CCDC73: variants seen among roughly 807,000 people sequenced by gnomAD.
CCDC73 encodes the protein coiled-coil domain-containing protein 73.
In CCDC73, 95 loss-of-function variants were observed where a neutral mutation model predicts 116.5. That is an observed-to-expected ratio of 0.82 (90% confidence interval 0.69 to 0.97). The LOEUF is 0.97. Ranked by LOEUF, CCDC73 falls within the 50% of genes least tolerant of loss-of-function variation. CCDC73 has a pLI of 0.00. For missense variants in CCDC73, 1,066 were observed against 1,206.8 expected, an observed-to-expected ratio of 0.88 and a Z score of 1.73; for synonymous variants, 398 against 401.3, an observed-to-expected ratio of 0.99 and a Z score of 0.10.
the CCDC73 span, among the ~76,000 whole-genome samples, chr11:32,801,378 C>T: frequency 2.6e-5 from 4 of 152,192 alleles, no homozygotes; most frequent in Admixed American, 2.0e-4. Context: ...CGCAGTGGCT[C>T]ACGCCTGTAA....
At chr11:32,758,340 A>AAGGCTGT in intron 2 of CCDC73, 2 of 505,278 alleles carry the variant, frequency 4.0e-6, no homozygotes. Flanking sequence ...GCTGTCCCAA[A>AAGGCTGT]CCCCTGGTAA....
At chr11:32,640,091 G>A (rs1430522267) in intron 13 of CCDC73, among the ~76,000 whole-genome samples, 1 of 151,918 alleles carries the variant, frequency 6.6e-6, no homozygotes, top group Non-Finnish European at 1.5e-5. Flanking sequence ...CTCAAGAATG[G>A]TGAAAAACTT....
chr11:32,822,591 T>C, the CCDC73 span, among the ~76,000 whole-genome samples: 1 of 152,218 alleles, frequency 6.6e-6, no homozygotes, highest in East Asian at 1.9e-4. Context: ...AGCAATTATG[T>C]TGAACCATAT....
chr11:32,685,564 TGAA>T (rs2133297849), intron 6 of CCDC73, among the ~76,000 whole-genome samples: 1 of 151,954 alleles, frequency 6.6e-6, no homozygotes, highest in African/African-American at 2.4e-5. Flanking sequence ...ATAAGCAAGG[TGAA>T]GAAGAGCAGT....
rs758207053 is a variant in CCDC73, at chr11:32,613,819, A to G, written c.2499T>C (p.Asn833=). 3.7e-6 allele frequency: 6 copies of G among 1,613,580 alleles called. No individual in the cohort carries two copies. In the South Asian group the frequency reaches 6.6e-5, roughly 18 times the overall value. Residue 833 remains asparagine (N), a synonymous_variant, in exon 16 of 18, where the codon AAT becomes AAC. Coordinates refer to ENST00000335185, the MANE Select transcript of CCDC73 (RefSeq NM_001008391.4). The part of the protein sequence containing the change: ...KNDLFLFVSI[N]ERQHTLLNNT... ...TATTTAACAATGTATGCTGTCTTTC[A>G]TTAATGCTCACAAAAAGGAAGAGGT...
At chr11:32,734,754 G>A (rs1850113195) in intron 2 of CCDC73, among the ~76,000 whole-genome samples, 1 of 152,134 alleles carries the variant, frequency 6.6e-6, no homozygotes, top group Admixed American at 6.5e-5. Flanking sequence ...GATGAACATT[G>A]ATGCAGAAAT....
chr11:32,617,772 C>G (rs774919785), intron 14 of CCDC73, among the ~76,000 whole-genome samples: 1 of 152,024 alleles, frequency 6.6e-6, no homozygotes, highest in Non-Finnish European at 1.5e-5. Flanking sequence ...TAGATTTGGA[C>G]GAAAATATCA....
At chr11:32,664,914 T>G (rs2133275568) in intron 9 of CCDC73, among the ~76,000 whole-genome samples, 1 of 152,378 alleles carries the variant, frequency 6.6e-6, no homozygotes, top group South Asian at 2.1e-4. Flanking sequence ...TTTCATTATG[T>G]ACCCAGTAGT....
At chr11:32,663,438 C>T (rs1181184668) in intron 9 of CCDC73, among the ~76,000 whole-genome samples, 3 of 152,018 alleles carry the variant, frequency 2.0e-5, no homozygotes, top group Non-Finnish European at 4.4e-5. Flanking sequence ...TATTCTCTTG[C>T]AAGCAATTGT....
At chr11:32,759,689 ACATT>A (rs1850374314) in intron 2 of CCDC73, among the ~76,000 whole-genome samples, 1 of 152,192 alleles carries the variant, frequency 6.6e-6, no homozygotes, top group African/African-American at 2.4e-5. Flanking sequence ...TTTACTACAT[ACATT>A]TATTTTGTCA....
upstream of CCDC73, among the ~76,000 whole-genome samples, chr11:32,797,009 CAAAAAAAAAAA>C (rs1163144111): frequency 5.4e-5 from 4 of 74,606 alleles, no homozygotes; most frequent in Middle Eastern, 0.011. Context: ...GAGACTGCCT[CAAAAAAAAAAA>C]AAAAAAAAAA....
intron 9 of CCDC73, among the ~76,000 whole-genome samples, chr11:32,658,690 T>G (rs1448390204): frequency 1.3e-5 from 2 of 152,056 alleles, no homozygotes; most frequent in Non-Finnish European, 2.9e-5. Flanking sequence ...AAAAGAACAC[T>G]GGCTAAGAGG....
chr11:32,737,591 C>T (rs1850146300), intron 2 of CCDC73, among the ~76,000 whole-genome samples: 2 of 147,846 alleles, frequency 1.4e-5, no homozygotes, highest in South Asian at 2.1e-4. Flanking sequence ...GCACTCCAGC[C>T]TGGGCAACAG....
chr11:32,820,916 T>C, the CCDC73 span, among the ~76,000 whole-genome samples: 1 of 152,230 alleles, frequency 6.6e-6, no homozygotes, highest in South Asian at 2.1e-4. Context: ...GTTTTTTAAC[T>C]GATTTTTTTC....
intron 6 of CCDC73, among the ~76,000 whole-genome samples, chr11:32,698,328 C>T (rs1182921074): frequency 1.3e-5 from 2 of 152,126 alleles, no homozygotes; most frequent in African/African-American, 4.8e-5. Context: ...CCAGCCAACA[C>T]TGAAGTTTTT....
At chr11:32,618,188 T>C (rs1338872614) in intron 14 of CCDC73, among the ~76,000 whole-genome samples, 1 of 152,220 alleles carries the variant, frequency 6.6e-6, no homozygotes, top group Non-Finnish European at 1.5e-5. Flanking sequence ...TTCATCCATG[T>C]TGCTGCAAAG....
At chr11:32,739,184 C>T (rs985789093) in intron 2 of CCDC73, among the ~76,000 whole-genome samples, 7 of 151,888 alleles carry the variant, frequency 4.6e-5, no homozygotes, top group East Asian at 1.9e-4. Flanking sequence ...CTGGGTCTTT[C>T]GTGGTTCCAT....
intron 9 of CCDC73, among the ~76,000 whole-genome samples, chr11:32,670,151 AT>A (rs1238444714): frequency 5.3e-5 from 8 of 152,172 alleles, no homozygotes; most frequent in Admixed American, 3.9e-4. Context: ...ATTCCTTGCA[AT>A]TTTGATTTTC....
At chr11:32,783,639 TA>T (rs1850602026) in intron 1 of CCDC73, among the ~76,000 whole-genome samples, 1 of 152,110 alleles carries the variant, frequency 6.6e-6, no homozygotes, top group Non-Finnish European at 1.5e-5. Flanking sequence ...ATTTTATTTT[TA>T]TTTTTTTTTC....
Sources: gnomAD v4.1 joint callset for allele counts (sites outside exome capture counted in the v4.1 genomes callset) on GRCh38, gnomAD v4.1.1 for gene constraint, MANE v1.5 for transcripts, NCBI Gene and HGNC (gene_info 2026-07-23, HGNC 2026-07-21) for gene names.